The following JAZF1 variants were observed in gnomAD, a reference collection of about 807,000 sequenced individuals.
JAZF1 encodes JAZF zinc finger 1, also known as juxtaposed with another zinc finger protein 1.
JAZF1 carries 8 observed loss-of-function variants against 26.4 expected under a neutral mutation model. The ratio of observed to expected loss-of-function variants is 0.30; its 90% CI spans 0.18 to 0.55. The LOEUF (loss-of-function observed/expected upper bound fraction) is 0.55, where lower values mean the gene tolerates loss of function less well. Ranked by LOEUF, JAZF1 falls within the 20% of genes least tolerant of loss-of-function variation. JAZF1 has a pLI of 0.94. For synonymous variants in JAZF1, 126 were observed against 122.3 expected, an observed-to-expected ratio of 1.03 and a Z score of -0.20; for missense variants, 199 against 322.0, an observed-to-expected ratio of 0.62 and a Z score of 2.92.
intron 3 of JAZF1, among the ~76,000 whole-genome samples, chr7:27,894,593 CG>C (rs1264757583): frequency 6.6e-6 from 1 of 151,714 alleles, no homozygotes; most frequent in Non-Finnish European, 1.5e-5. Context: ...GGGAGACTGA[CG>C]GGAAAGAGAA....
intron 2 of JAZF1, among the ~76,000 whole-genome samples, chr7:27,948,648 A>G (rs1784956991): frequency 6.6e-6 from 1 of 152,214 alleles, no homozygotes; most frequent in Non-Finnish European, 1.5e-5. Context: ...GAACAGAAAC[A>G]CAGTAACCAT....
At chr7:28,077,481 T>C (rs919043890) in intron 1 of JAZF1, among the ~76,000 whole-genome samples, 1 of 151,890 alleles carries the variant, frequency 6.6e-6, no homozygotes, top group Middle Eastern at 3.2e-3. Context: ...AGGTAACTGG[T>C]ATAACCACAA....
intron 2 of JAZF1, among the ~76,000 whole-genome samples, chr7:27,928,351 C>T (rs1758290865): frequency 6.6e-6 from 1 of 152,208 alleles, no homozygotes; most frequent in Non-Finnish European, 1.5e-5. Flanking sequence ...TCTTAACTTT[C>T]ATAGTAATTT....
chr7:28,011,333 T>A (rs1453928192), intron 1 of JAZF1, among the ~76,000 whole-genome samples: 1 of 152,242 alleles, frequency 6.6e-6, no homozygotes, highest in Non-Finnish European at 1.5e-5. Context: ...AGTCTAGGTT[T>A]AAACTTTTGA....
intron 3 of JAZF1, among the ~76,000 whole-genome samples, chr7:27,852,354 G>T (rs546886315): frequency 7.9e-5 from 12 of 152,184 alleles, no homozygotes; most frequent in African/African-American, 2.9e-4. Context: ...GGCTGGTCAT[G>T]AACTCTTGAC....
Position 27,832,675 on chromosome 7 carries a change from T to C in JAZF1, c.*125A>G, listed in dbSNP as rs1782728806. 2.7e-6 allele frequency: 2 copies of C among 746,140 alleles called. No individual in the cohort carries two copies. Among genetic ancestry groups the C allele is most frequent in the Admixed American group, 5.9e-5 (2 of 33,968 alleles). The allele number at this position is 746,140 out of a possible 1,614,324, so 46.2% of individuals were successfully genotyped here. A position where few individuals can be genotyped will look rare whatever the true frequency, so the allele number is the denominator to read the frequency against. ...CATCATTCCAAAATTACAGAAAAAA[T>C]TTAAAGCATGCATTTAATTCTTTTT... On this transcript the variant is annotated 3_prime_UTR_variant, in exon 5 of 5. Transcript: ENST00000283928.
At chr7:27,925,093 A>G (rs1784587611) in intron 2 of JAZF1, among the ~76,000 whole-genome samples, 1 of 152,180 alleles carries the variant, frequency 6.6e-6, no homozygotes, top group Admixed American at 6.5e-5. Context: ...CCTATTGAAA[A>G]CACCTTTGGA....
At position 28,180,646 on chromosome 7, in the gene JAZF1, C is replaced by A; in HGVS notation, c.-69G>T. ...CGGGCGGGCGAGGGAGGGAGGGAGG[C>A]CGGGTGGGGTGAGGAGAGGAGGGGC... On this transcript the variant is annotated 5_prime_UTR_variant, in exon 1 of 5. Transcript: ENST00000283928. 1.2e-6 allele frequency: 1 copy of A among 823,564 alleles called. No individual in the cohort carries two copies. The highest frequency in any genetic ancestry group is 1.5e-5 in the South Asian group (1 of 68,308). 51.0% of individuals were successfully genotyped at this position (823,564 alleles called of 1,614,324 possible).
At chr7:27,906,842 T>G (rs1273277076) in intron 2 of JAZF1, among the ~76,000 whole-genome samples, 1 of 152,232 alleles carries the variant, frequency 6.6e-6, no homozygotes, top group African/African-American at 2.4e-5. Flanking sequence ...CATTGCTAAT[T>G]TGACATCCAC....
intron 2 of JAZF1, among the ~76,000 whole-genome samples, chr7:27,926,287 T>C (rs1013504475): frequency 6.6e-6 from 1 of 152,190 alleles, no homozygotes; most frequent in African/African-American, 2.4e-5. Flanking sequence ...GAGCCATAAA[T>C]GGACCTGCAA....
intron 3 of JAZF1, among the ~76,000 whole-genome samples, chr7:27,846,747 G>A (rs933143427): frequency 2.6e-4 from 39 of 152,044 alleles, no homozygotes; most frequent in African/African-American, 8.9e-4. Context: ...CCATTTTTAT[G>A]GTTTCTTTGG....
intron 2 of JAZF1, among the ~76,000 whole-genome samples, chr7:27,983,836 T>C (rs1362662160): frequency 1.3e-5 from 2 of 152,210 alleles, no homozygotes; most frequent in Non-Finnish European, 2.9e-5. Flanking sequence ...CAGAATTTCA[T>C]AGCCAGCCAA....
intron 4 of JAZF1, among the ~76,000 whole-genome samples, chr7:27,839,143 G>T (rs1782875446): frequency 6.6e-6 from 1 of 152,246 alleles, no homozygotes; most frequent in African/African-American, 2.4e-5. Flanking sequence ...TGCACCCTGT[G>T]CCCAGAACCC....
intron 1 of JAZF1, among the ~76,000 whole-genome samples, chr7:28,097,047 T>C (rs1186625332): frequency 2.0e-5 from 3 of 152,154 alleles, no homozygotes; most frequent in African/African-American, 4.8e-5. Context: ...CCTGCTAACC[T>C]AATATAAAGG....
At chr7:28,016,170 T>C (rs890165938) in intron 1 of JAZF1, among the ~76,000 whole-genome samples, 1 of 152,124 alleles carries the variant, frequency 6.6e-6, no homozygotes, top group Non-Finnish European at 1.5e-5. Context: ...GGACTGCCCT[T>C]GGTCAGAGGT....
At chr7:28,158,690 G>C (rs1326132390) in intron 1 of JAZF1, among the ~76,000 whole-genome samples, 1 of 152,204 alleles carries the variant, frequency 6.6e-6, no homozygotes, top group African/African-American at 2.4e-5. Flanking sequence ...GGGTCTCATA[G>C]GGTGACTCTG....
At chr7:27,945,392 C>T (rs1199533711) in intron 2 of JAZF1, among the ~76,000 whole-genome samples, 4 of 152,132 alleles carry the variant, frequency 2.6e-5, no homozygotes, top group African/African-American at 9.7e-5. Flanking sequence ...TAGCACCTCC[C>T]GATTCCTGAC....
At chr7:27,975,449 A>G (rs534283485) in intron 2 of JAZF1, among the ~76,000 whole-genome samples, 1 of 152,274 alleles carries the variant, frequency 6.6e-6, no homozygotes, top group South Asian at 2.1e-4. Context: ...CATCTAAGCT[A>G]TATCACATGT....
intron 3 of JAZF1, among the ~76,000 whole-genome samples, chr7:27,878,135 G>A (rs1030381593): frequency 1.3e-5 from 2 of 152,146 alleles, no homozygotes; most frequent in Non-Finnish European, 2.9e-5. Flanking sequence ...CGAACATGAT[G>A]CAGTGTGATT....
Sources: allele counts gnomAD v4.1 joint callset (sites outside exome capture counted in the v4.1 genomes callset), GRCh38; gene constraint gnomAD v4.1.1; transcripts MANE v1.5; gene names NCBI Gene and HGNC (gene_info 2026-07-23, HGNC 2026-07-21).